The following STAU2 variants were observed in gnomAD, a reference collection of about 807,000 sequenced individuals.
STAU2 encodes double-stranded RNA-binding protein Staufen homolog 2.
In STAU2, 20 loss-of-function variants were observed where a neutral mutation model predicts 65.9. The ratio of observed to expected loss-of-function variants is 0.30; its 90% confidence interval spans 0.21 to 0.44. The LOEUF (loss-of-function observed/expected upper bound fraction) is 0.44. Among genes scored for constraint, STAU2 ranks in the 20% least tolerant of loss-of-function variants. The probability of loss-of-function intolerance (pLI) is 1.00; values close to 1 mark genes in which losing one functional copy is unlikely to be tolerated. For missense variants in STAU2, 558 were observed against 683.9 expected (o/e 0.82, Z 2.05); for synonymous variants, 232 against 233.9 (o/e 0.99, Z 0.07).
At chr8:73,734,886 C>T (rs774689222) in intron 3 of STAU2, among the ~76,000 whole-genome samples, 12 of 152,070 alleles carry the variant, frequency 7.9e-5, no homozygotes, top group Non-Finnish European at 1.6e-4. Flanking sequence ...CTAGAGACAA[C>T]GTTGAAAATC....
chr8:73,657,075 C>CA (rs1345860787), intron 6 of STAU2, among the ~76,000 whole-genome samples: 2 of 152,100 alleles, frequency 1.3e-5, no homozygotes, highest in Non-Finnish European at 2.9e-5. Context: ...CACCTGAAGC[C>CA]AAAAACTACA....
chr8:73,578,907 T>C (rs1258625201), intron 12 of STAU2, among the ~76,000 whole-genome samples: 1 of 152,170 alleles, frequency 6.6e-6, no homozygotes, highest in African/African-American at 2.4e-5. Context: ...CTCAAAACAC[T>C]ATTAAAGAAA....
chr8:73,477,884 T>C (rs1820397774), intron 13 of STAU2, among the ~76,000 whole-genome samples: 1 of 152,082 alleles, frequency 6.6e-6, no homozygotes, highest in South Asian at 2.1e-4. Flanking sequence ...TGAGACATGT[T>C]GAGATAAAAA....
chr8:73,672,878 T>C, intron 6 of STAU2: 1 of 295,880 alleles, frequency 3.4e-6, no homozygotes, highest in Non-Finnish European at 6.0e-6. Context: ...TTCCTTCAGA[T>C]CTTTTACGTT....
At chr8:73,615,574 A>T (rs534906313) in intron 8 of STAU2, 101 bp downstream of exon 8, 2 of 826,118 alleles carry the variant, frequency 2.4e-6, no homozygotes, top group Admixed American at 2.0e-5. Context: ...ATAGAAGCAC[A>T]CTAACTCTTG....
intron 13 of STAU2, among the ~76,000 whole-genome samples, chr8:73,520,379 T>G (rs529623099): frequency 6.6e-6 from 1 of 152,360 alleles, no homozygotes; most frequent in Non-Finnish European, 1.5e-5. Context: ...GATGATATTT[T>G]AGATATATTG....
chr8:73,429,125 A>C (rs2128881461), intron 13 of STAU2, among the ~76,000 whole-genome samples: 1 of 152,312 alleles, frequency 6.6e-6, no homozygotes, highest in South Asian at 2.1e-4. Flanking sequence ...TGAATACAAT[A>C]GCTTATAAGT....
chr8:73,595,140 T>C, intron 11 of STAU2, 26 bp downstream of exon 11: 3 of 1,566,492 alleles, frequency 1.9e-6, no homozygotes, highest in South Asian at 1.2e-5. Flanking sequence ...ACAGATAGGA[T>C]ACATACATGT....
At chr8:73,565,790 G>A (rs1200488808) in intron 12 of STAU2, among the ~76,000 whole-genome samples, 2 of 152,090 alleles carry the variant, frequency 1.3e-5, no homozygotes, top group Non-Finnish European at 2.9e-5. Flanking sequence ...TCTTTATTGA[G>A]AAGTCTGGTG....
rs537576097 is a variant in STAU2 at position 73,599,245 on chromosome 8, G to T, written c.1030-3948C>A. The stretch of plus-strand genomic sequence containing the variant: ...TTGTCTGGATATCTAGACTTATTAT[G>T]AAGTTAATATAAAGAAAAAATTTAA... On this transcript the variant is annotated intron_variant, in intron 10 of 14. Transcript: ENST00000524300. Among the ~76,000 whole-genome samples the T allele has an allele frequency of 2.0e-5, 3 of 152,260 alleles. No homozygotes were observed. The South Asian group carries it at 6.2e-4, about 32-fold the overall frequency.
intron 13 of STAU2, among the ~76,000 whole-genome samples, chr8:73,543,380 T>A (rs1806678631): frequency 1.3e-5 from 2 of 152,206 alleles, no homozygotes; most frequent in Admixed American, 6.5e-5. Context: ...CATCAAACTG[T>A]ACAATATGGG....
At chr8:73,701,664 C>A (rs570330751) in intron 4 of STAU2, among the ~76,000 whole-genome samples, 33 of 152,254 alleles carry the variant, frequency 2.2e-4, no homozygotes, top group African/African-American at 7.5e-4. Context: ...CTATGGAGAA[C>A]AGTTTGGAGG....
intron 1 of STAU2, among the ~76,000 whole-genome samples, chr8:73,742,664 G>C (rs1464622441): frequency 6.6e-6 from 1 of 151,666 alleles, no homozygotes; most frequent in Non-Finnish European, 1.5e-5. Context: ...ATCTGGTCAG[G>C]CATATGAAGA....
chr8:73,432,727 C>G (rs541875733), intron 13 of STAU2, among the ~76,000 whole-genome samples: 2 of 152,230 alleles, frequency 1.3e-5, no homozygotes, highest in African/African-American at 4.8e-5. Flanking sequence ...TCATTATAGC[C>G]TGCACTTTTT....
intron 13 of STAU2, among the ~76,000 whole-genome samples, chr8:73,547,590 C>T (rs1300333202): frequency 6.6e-6 from 1 of 152,124 alleles, no homozygotes; most frequent in East Asian, 1.9e-4. Context: ...AGTTCTAACA[C>T]ATACTTAAGT....
intron 12 of STAU2, among the ~76,000 whole-genome samples, chr8:73,567,853 G>A (rs868609205): frequency 2.0e-5 from 3 of 152,036 alleles, no homozygotes; most frequent in East Asian, 1.9e-4. Flanking sequence ...TACTCGCTGG[G>A]GGGGAGGGGG....
chr8:73,615,012 G>A (rs1812729344), intron 8 of STAU2, among the ~76,000 whole-genome samples: 1 of 152,100 alleles, frequency 6.6e-6, no homozygotes, highest in African/African-American at 2.4e-5. Flanking sequence ...TTTCTAGTAG[G>A]TGAATGTCAT....
chr8:73,699,225 A>G (rs542792522), intron 4 of STAU2, among the ~76,000 whole-genome samples: 85 of 152,236 alleles, frequency 5.6e-4, no homozygotes, highest in Non-Finnish European at 1.0e-3. Context: ...AAAAAAGTGG[A>G]AAAATTTCAA....
chr8:73,609,853 T>C (rs1812317340), intron 9 of STAU2, among the ~76,000 whole-genome samples: 1 of 152,168 alleles, frequency 6.6e-6, no homozygotes, highest in South Asian at 2.1e-4. Flanking sequence ...TGGCATACTG[T>C]CTTTATTTCT....
Sources: allele counts gnomAD v4.1 joint callset (sites outside exome capture counted in the v4.1 genomes callset), GRCh38; gene constraint gnomAD v4.1.1; transcripts MANE v1.5; gene names NCBI Gene and HGNC (gene_info 2026-07-23, HGNC 2026-07-21).